Variants in EED observed in about 807,000 individuals in gnomAD.
EED encodes polycomb protein EED.
EED carries 9 observed loss-of-function variants against 61.0 expected under a neutral mutation model. That is an observed-to-expected ratio of 0.15 (90% confidence interval 0.09 to 0.26). The LOEUF (loss-of-function observed/expected upper bound fraction) is 0.26, where lower values mean the gene tolerates loss of function less well. Among genes scored for constraint, EED ranks in the 10% least tolerant of loss-of-function variants. The pLI is 1.00. For synonymous variants in EED, 187 were observed against 174.4 expected (o/e 1.07, Z -0.57); for missense variants, 315 against 542.3 (o/e 0.58, Z 4.16).
chr11:86,257,497 GT>G lies in EED; in HGVS notation c.553-14del. On this transcript the variant is annotated splice_polypyrimidine_tract_variant and intron_variant, in intron 5 of 11. Transcript: ENST00000263360. ...GATTTTGAGATAGGAAACTTGAAAT[GT>G]TTTAAATTTATTGTAGCACTATGTT... is the stretch of plus-strand genomic sequence containing the variant. 6.3e-7 allele frequency: 1 copy of G among 1,579,530 alleles called. No homozygotes were observed. The highest frequency in any genetic ancestry group is 1.2e-5 in the South Asian group (1 of 84,536).
intron 10 of EED, 101 bp downstream of exon 10, chr11:86,277,239 C>G: frequency 2.7e-6 from 3 of 1,127,774 alleles, no homozygotes; most frequent in Non-Finnish European, 3.7e-6. Context: ...CTTTACAAAT[C>G]TACCCTGATG....
intron 3 of EED, among the ~76,000 whole-genome samples, chr11:86,253,100 A>G (rs556345856): frequency 6.6e-6 from 1 of 152,314 alleles, no homozygotes; most frequent in South Asian, 2.1e-4. Context: ...TTACTATTTG[A>G]CAAGGTCAAT....
At chr11:86,261,563 G>A (rs1354243600) in intron 6 of EED, among the ~76,000 whole-genome samples, 1 of 152,244 alleles carries the variant, frequency 6.6e-6, no homozygotes, top group Non-Finnish European at 1.5e-5. Context: ...AGGTGTTGCT[G>A]TAGTAGGAAC....
At position 86,252,175 on chromosome 11, in the gene EED, G is replaced by A; in HGVS notation, c.295G>A (p.Val99Ile). The A allele has an allele frequency of 6.2e-7, 1 of 1,611,964 alleles. No homozygotes were observed. The highest frequency in any genetic ancestry group is 2.2e-5 in the East Asian group (1 of 44,758). The change falls in exon 3 of 12, where the codon GTT becomes ATT. Residue 99 changes from valine (V) to isoleucine (I), a missense_variant. By Grantham distance (29) the Val-to-Ile change is conservative. Coordinates refer to ENST00000263360, the MANE Select transcript of EED (RefSeq NM_003797.5). ...AGATCATAACCAACCATTGTTTGGA[G>A]TTCAGTTTAACTGGCACAGTAAAGA... ...KEDHNQPLFG[V>I]QFNWHSKEGD...
chr11:86,248,421 T>C (rs944995888), intron 1 of EED, among the ~76,000 whole-genome samples: 8 of 152,196 alleles, frequency 5.3e-5, no homozygotes, highest in Non-Finnish European at 8.8e-5. Context: ...GAAACTGATA[T>C]ATAAAAACGT....
chr11:86,256,983 T>G (rs1945691433), intron 5 of EED, among the ~76,000 whole-genome samples: 1 of 152,178 alleles, frequency 6.6e-6, no homozygotes, highest in South Asian at 2.1e-4. Context: ...ACCCTACGCA[T>G]ATTGGAGCCT....
At chr11:86,268,780 TTG>T (rs1946045924) in intron 9 of EED, among the ~76,000 whole-genome samples, 1 of 152,212 alleles carries the variant, frequency 6.6e-6, no homozygotes, top group Admixed American at 6.5e-5. Flanking sequence ...TTATAATTCT[TTG>T]TGCTCCAGTA....
intron 9 of EED, among the ~76,000 whole-genome samples, chr11:86,273,223 A>G (rs997544003): frequency 2.6e-5 from 4 of 152,180 alleles, no homozygotes; most frequent in East Asian, 1.9e-4. Context: ...GGATCTTGCT[A>G]TGTTGCTCAG....
chr11:86,284,861 C>T, the EED span, among the ~76,000 whole-genome samples: 3 of 152,302 alleles, frequency 2.0e-5, no homozygotes, highest in African/African-American at 7.2e-5. Flanking sequence ...CCTGTAGTCC[C>T]AGCACTTTGG....
intron 3 of EED, among the ~76,000 whole-genome samples, chr11:86,253,019 G>A (rs1003025935): frequency 6.6e-6 from 1 of 152,120 alleles, no homozygotes; most frequent in Non-Finnish European, 1.5e-5. Flanking sequence ...AAGAGCTGGG[G>A]TTGCAGTCAT....
Position 86,266,975 on chromosome 11 carries a change from A to G in EED, c.860+759A>G, listed in dbSNP as rs1307508669. 7.2e-5 allele frequency among the ~76,000 whole-genome samples: 11 copies of G among 152,200 alleles called. No homozygotes were observed. The East Asian group carries it at 1.3e-3, about 19-fold the overall frequency. Reference sequence around the variant, plus strand: ...TTTGTAAGCATCAGTAAATATTTCAATGCACTAACATTCATCAGACCTAAG... The same window carrying G: ...TTTGTAAGCATCAGTAAATATTTCAGTGCACTAACATTCATCAGACCTAAG... On this transcript the variant is annotated intron_variant, in intron 8 of 11. Transcript: ENST00000263360.
At chr11:86,281,268 G>A (rs747572408), downstream of EED, among the ~76,000 whole-genome samples, 9 of 152,278 alleles carry the variant, frequency 5.9e-5, no homozygotes, top group East Asian at 1.9e-4. Flanking sequence ...GAAAAGTGCC[G>A]TCTTGGGCTT....
rs555710882 is a variant in EED at position 86,278,315 on chromosome 11, G to C, written c.1200-84G>C. On this transcript the variant is annotated intron_variant, in intron 11 of 11. Coordinates refer to ENST00000263360, the MANE Select transcript of EED (RefSeq NM_003797.5). ...GCTTTTCGTATGACTTGGAACATCT[G>C]CTTATTTTCTAATCCGCTGTTTTAG... is the stretch of plus-strand genomic sequence containing the variant. The C allele has an allele frequency of 5.9e-6, 9 of 1,520,926 alleles. No homozygotes were observed. In the Admixed American group the frequency reaches 1.6e-4, roughly 27 times the overall value. The allele number at this position is 1,520,926 out of a possible 1,614,324, so 94.2% of individuals were successfully genotyped here.
At chr11:86,264,112 G>T (rs758244598) in intron 6 of EED, 60 bp from the exon 7 acceptor site, 28 of 1,332,214 alleles carry the variant, frequency 2.1e-5, no homozygotes, top group Middle Eastern at 3.7e-4. Context: ...TCTTTCACAA[G>T]ATGTTGAAAG....
intron 6 of EED, among the ~76,000 whole-genome samples, chr11:86,260,277 T>C (rs1405887562): frequency 2.0e-5 from 3 of 152,152 alleles, no homozygotes; most frequent in Admixed American, 6.5e-5. Flanking sequence ...AACCAGGCTA[T>C]AGTAGAGTGA....
the EED span, among the ~76,000 whole-genome samples, chr11:86,287,587 C>T: frequency 1.3e-5 from 2 of 152,200 alleles, no homozygotes; most frequent in South Asian, 2.1e-4. Context: ...TGTTTAATTC[C>T]GAAACCAATA....
chr11:86,270,007 A>G (rs910590520), intron 9 of EED: 7 of 626,214 alleles, frequency 1.1e-5, no homozygotes, highest in East Asian at 2.9e-5. Flanking sequence ...TCTCTGGGTA[A>G]ATGCCTAGGA....
chr11:86,253,335 T>A (rs1419734633), intron 3 of EED, among the ~76,000 whole-genome samples: 1 of 152,200 alleles, frequency 6.6e-6, no homozygotes, highest in Non-Finnish European at 1.5e-5. Context: ...GGGAATGTAG[T>A]GCATTAATTA....
the EED span, among the ~76,000 whole-genome samples, chr11:86,285,943 G>A: frequency 7.8e-4 from 118 of 152,188 alleles, no homozygotes; most frequent in Non-Finnish European, 1.2e-3. Context: ...TACCTCTTAT[G>A]TGAAATTAGA....
Sources: allele counts gnomAD v4.1 joint callset (sites outside exome capture counted in the v4.1 genomes callset), GRCh38; gene constraint gnomAD v4.1.1; transcripts MANE v1.5; gene names NCBI Gene and HGNC (gene_info 2026-07-23, HGNC 2026-07-21).